The following SNX29 variants were observed in gnomAD, a reference collection of about 807,000 sequenced individuals.
SNX29 encodes the protein sorting nexin-29.
In SNX29, 78 loss-of-function variants were observed where a neutral mutation model predicts 102.1. The observed-to-expected ratio is 0.76, with a 90% CI of 0.64 to 0.92. The LOEUF is 0.92. SNX29 is among the 40% of genes least tolerant of loss of function. SNX29 has a pLI of 0.00. For synonymous variants in SNX29, 580 were observed against 414.5 expected (o/e 1.40, Z -4.85); for missense variants, 1,280 against 1,061.7 (o/e 1.21, Z -2.86).
chr16:12,520,413 G>A (rs2090053354), intron 19 of SNX29, among the ~76,000 whole-genome samples: 1 of 152,210 alleles, frequency 6.6e-6, no homozygotes, highest in Non-Finnish European at 1.5e-5. Flanking sequence ...CCTGCTGCCT[G>A]ATGGAAGGCC....
Position 12,535,096 on chromosome 16 carries a change from C to T in SNX29, c.2318+10255C>T, listed in dbSNP as rs189504011. 1.3e-3 allele frequency among the ~76,000 whole-genome samples: 198 copies of T among 152,292 alleles called. 3 individuals are homozygous for T. The highest frequency in any genetic ancestry group is 4.5e-3 in the African/African-American group (189 of 41,570). Reference sequence around the variant, plus strand: ...AAGAAAAAGAGAGAGGGAGGAGAAACCAACATGTATTTAGCACCCGCCAGG... The same window carrying T: ...AAGAAAAAGAGAGAGGGAGGAGAAATCAACATGTATTTAGCACCCGCCAGG... On this transcript the variant is annotated intron_variant, in intron 20 of 20. Coordinates refer to ENST00000566228, the MANE Select transcript of SNX29 (RefSeq NM_032167.5).
At chr16:12,509,044 C>G (rs1343400938) in intron 19 of SNX29, among the ~76,000 whole-genome samples, 1 of 152,204 alleles carries the variant, frequency 6.6e-6, no homozygotes, top group Non-Finnish European at 1.5e-5. Flanking sequence ...CATTTTGTCT[C>G]CATTATGGTC....
At chr16:11,992,313 T>G (rs963025348) in intron 1 of SNX29, among the ~76,000 whole-genome samples, 3 of 152,042 alleles carry the variant, frequency 2.0e-5, no homozygotes, top group African/African-American at 7.2e-5. Flanking sequence ...TTTTTTTAAT[T>G]GAGGTGAAAT....
At chr16:12,566,484 G>A (rs1200886930) in intron 20 of SNX29, among the ~76,000 whole-genome samples, 1 of 152,162 alleles carries the variant, frequency 6.6e-6, no homozygotes, top group African/African-American at 2.4e-5. Flanking sequence ...GCTGAATGAT[G>A]ATGGTGGTTG....
chr16:12,409,986 T>G (rs2084330657), intron 18 of SNX29, among the ~76,000 whole-genome samples: 1 of 151,982 alleles, frequency 6.6e-6, no homozygotes, highest in Non-Finnish European at 1.5e-5. Flanking sequence ...GCGTTTTTTT[T>G]GTTGTTGTTT....
In SNX29 at chr16:12,172,066, T is replaced by A. The variant is rs189841517; in HGVS notation, c.1596-27535T>A. Among the ~76,000 whole-genome samples the A allele has an allele frequency of 5.9e-5, 9 of 152,324 alleles. No individual in the cohort carries two copies. The East Asian group carries it at 1.5e-3, about 26-fold the overall frequency. ...ATTTTTCTAAATTACACCAAAAGCT[T>A]TGAGTCTTTATTCTGGAAGTGTTAC... On this transcript the variant is annotated intron_variant, in intron 13 of 20. Transcript: ENST00000566228.
At chr16:12,383,152 C>T (rs1050161698) in intron 16 of SNX29, among the ~76,000 whole-genome samples, 2 of 152,226 alleles carry the variant, frequency 1.3e-5, no homozygotes, top group Middle Eastern at 3.4e-3. Context: ...CTTTGGCCAT[C>T]GCTGTCACCT....
intron 14 of SNX29, among the ~76,000 whole-genome samples, chr16:12,205,176 T>C (rs1191486728): frequency 1.3e-5 from 2 of 152,180 alleles, no homozygotes; most frequent in Non-Finnish European, 2.9e-5. Context: ...CTTTTTATTC[T>C]TTTTTTCTGA....
intron 14 of SNX29, among the ~76,000 whole-genome samples, chr16:12,272,521 G>A (rs987094552): frequency 2.6e-5 from 4 of 152,200 alleles, no homozygotes; most frequent in Non-Finnish European, 5.9e-5. Context: ...CCCTGCCGAC[G>A]GGCTCCACTG....
In SNX29 at chr16:12,524,814, C is replaced by T; in HGVS notation, c.2291C>T (p.Thr764Ile). The change falls in exon 20 of 21, where the codon ACC (threonine) becomes ATC (isoleucine). Residue 764 changes from threonine to isoleucine, a missense_variant. Thr to Ile is a moderately conservative substitution (Grantham distance 89, BLOSUM62 -1). Transcript: ENST00000566228. ...PEFAASPKKE[T>I]LIQLMPFFVD... ...TTCGCTGCCAGCCCCAAGAAGGAGACCCTCATCCAGCTGATGCCCTTCTTC... is the reference window on the plus strand; with the variant it reads ...TTCGCTGCCAGCCCCAAGAAGGAGATCCTCATCCAGCTGATGCCCTTCTTC... 2 of 1,613,578 alleles carry T rather than the reference C, an allele frequency of 1.2e-6. No individual in the cohort carries two copies. Among genetic ancestry groups the T allele is most frequent in the Non-Finnish European group, 1.7e-6 (2 of 1,179,720 alleles).
chr16:12,343,764 C>G (rs1252892191), intron 15 of SNX29, among the ~76,000 whole-genome samples: 1 of 152,010 alleles, frequency 6.6e-6, no homozygotes, highest in East Asian at 1.9e-4. Flanking sequence ...GCCCAGAGCT[C>G]AGATCAGTGC....
intron 18 of SNX29, among the ~76,000 whole-genome samples, chr16:12,420,406 TGTTTCATCTTCTCTTC>T: frequency 6.6e-6 from 1 of 151,990 alleles, no homozygotes; most frequent in Non-Finnish European, 1.5e-5. Context: ...AAAATCAGGG[TGTTTCATCTTCTCTTC>T]CAGAGGCCTG....
chr16:12,157,303 A>AGG (rs757292553), intron 13 of SNX29, among the ~76,000 whole-genome samples: 14 of 152,062 alleles, frequency 9.2e-5, no homozygotes, highest in Non-Finnish European at 1.8e-4. Context: ...GAAGGTCCTG[A>AGG]GGGCAGCACA....
chr16:12,389,829 C>T (rs1444789350), intron 16 of SNX29, among the ~76,000 whole-genome samples: 1 of 152,158 alleles, frequency 6.6e-6, no homozygotes, highest in Non-Finnish European at 1.5e-5. Context: ...AGATGTAGGG[C>T]AGAGCAGGAG....
rs993095110 is a variant in SNX29 at position 12,569,542 on chromosome 16, G to A, written c.*913G>A. On this transcript the variant is annotated 3_prime_UTR_variant, in exon 21 of 21. Coordinates refer to ENST00000566228, the MANE Select transcript of SNX29 (RefSeq NM_032167.5). Reference sequence around the variant, plus strand: ...TGACTATGAAGTTGGACCCAGTGTGGACACTTAACAGATCATGTGTCTCTC... The same window carrying A: ...TGACTATGAAGTTGGACCCAGTGTGAACACTTAACAGATCATGTGTCTCTC... 2.2e-5 allele frequency: 5 copies of A among 231,476 alleles called. No homozygotes were observed. Among genetic ancestry groups the A allele is most frequent in the Non-Finnish European group, 4.3e-5 (5 of 117,020 alleles). 14.3% of individuals were successfully genotyped at this position (231,476 alleles called of 1,614,324 possible). A position where few individuals can be genotyped will look rare whatever the true frequency, so the allele number is the denominator to read the frequency against.
chr16:12,574,242 TACAATGAC>T lies in SNX29; in HGVS notation c.*5618_*5625del, dbSNP rs1203048611. 7 of 176,606 alleles carry T rather than the reference TACAATGAC, an allele frequency of 4.0e-5. No homozygotes were observed. In the South Asian group the frequency reaches 9.9e-4, roughly 25 times the overall value. The allele number at this position is 176,606 out of a possible 1,614,324, so 10.9% of individuals were successfully genotyped here. ...ACAACCTGGTTGAGATCAACCTCTTTACAATGACACAAATTGTGACATTTTATAAATTA... is the reference window on the plus strand; with the variant it reads ...ACAACCTGGTTGAGATCAACCTCTTTACAAATTGTGACATTTTATAAATTA... On this transcript the variant is annotated 3_prime_UTR_variant, in exon 21 of 21. Transcript: ENST00000566228.
intron 19 of SNX29, among the ~76,000 whole-genome samples, chr16:12,522,757 C>T (rs577014564): frequency 2.2e-4 from 34 of 152,288 alleles, no homozygotes; most frequent in Middle Eastern, 6.8e-3. Context: ...AACCATGAGC[C>T]AGTTAAACCT....
At chr16:12,420,128 C>G (rs943773875) in intron 18 of SNX29, among the ~76,000 whole-genome samples, 2 of 152,230 alleles carry the variant, frequency 1.3e-5, no homozygotes, top group African/African-American at 4.8e-5. Context: ...TGGCCTCTAC[C>G]CAGCAGCAGC....
chr16:12,338,523 G>C (rs2081520255), intron 15 of SNX29, among the ~76,000 whole-genome samples: 1 of 152,190 alleles, frequency 6.6e-6, no homozygotes, highest in Non-Finnish European at 1.5e-5. Context: ...TCTCCTCACA[G>C]CTTCAGGAAA....
Sources: gnomAD v4.1 joint callset for allele counts (sites outside exome capture counted in the v4.1 genomes callset) on GRCh38, gnomAD v4.1.1 for gene constraint, MANE v1.5 for transcripts, NCBI Gene and HGNC (gene_info 2026-07-23, HGNC 2026-07-21) for gene names.